Variants in CNTNAP5 observed in about 807,000 individuals in gnomAD.
CNTNAP5 encodes contactin associated protein family member 5.
Under a neutral mutation model 150.2 loss-of-function variants are expected in CNTNAP5, and 72 were observed. The ratio of observed to expected loss-of-function variants is 0.48; its 90% CI spans 0.40 to 0.58. The LOEUF (loss-of-function observed/expected upper bound fraction) is 0.58. Among genes scored for constraint, CNTNAP5 ranks in the 20% least tolerant of loss-of-function variants. The probability of loss-of-function intolerance (pLI) is 0.00; values close to 1 mark genes in which losing one functional copy is unlikely to be tolerated. For synonymous variants in CNTNAP5, 672 were observed against 619.8 expected, an observed-to-expected ratio of 1.08 and a Z score of -1.25; for missense variants, 1,636 against 1,626.2, an observed-to-expected ratio of 1.01 and a Z score of -0.10.
intron 23 of CNTNAP5, among the ~76,000 whole-genome samples, chr2:124,912,119 C>G (rs74656036): frequency 0.012 from 1,820 of 152,136 alleles, 40 homozygotes; most frequent in African/African-American, 0.04. Context: ...CTTTTTTATT[C>G]TGCTTCAGCT....
chr2:124,863,841 G>A (rs1185414320), intron 19 of CNTNAP5, among the ~76,000 whole-genome samples: 3 of 152,064 alleles, frequency 2.0e-5, no homozygotes, highest in Non-Finnish European at 4.4e-5. Context: ...AAACTTTGAG[G>A]GGATGAGAAA....
intron 1 of CNTNAP5, among the ~76,000 whole-genome samples, chr2:124,159,569 C>T (rs1470459593): frequency 6.6e-6 from 1 of 152,138 alleles, no homozygotes; most frequent in African/African-American, 2.4e-5. Context: ...AACTGTGTGA[C>T]CATGTTAAGT....
chr2:124,413,409 C>G (rs1691829978), intron 3 of CNTNAP5, among the ~76,000 whole-genome samples: 1 of 143,468 alleles, frequency 7.0e-6, no homozygotes, highest in African/African-American at 2.6e-5. Context: ...ATAAATCATG[C>G]TGCTATAAAG....
intron 1 of CNTNAP5, among the ~76,000 whole-genome samples, chr2:124,139,208 A>T (rs976753466): frequency 4.6e-5 from 7 of 151,918 alleles, no homozygotes; most frequent in African/African-American, 1.7e-4. Flanking sequence ...TATTCCTAAC[A>T]AAATAAATGG....
At chr2:124,114,503 C>A (rs1044253757) in intron 1 of CNTNAP5, among the ~76,000 whole-genome samples, 10 of 151,756 alleles carry the variant, frequency 6.6e-5, no homozygotes, top group Admixed American at 1.3e-4. Context: ...CTCATGAATC[C>A]TAATAATTTA....
chr2:124,055,535 T>G (rs1051357507), intron 1 of CNTNAP5, among the ~76,000 whole-genome samples: 4 of 152,180 alleles, frequency 2.6e-5, no homozygotes, highest in Non-Finnish European at 5.9e-5. Flanking sequence ...CAGAATGTTC[T>G]CGTCCAGTGA....
chr2:124,828,966 C>T (rs1265389678), intron 19 of CNTNAP5, among the ~76,000 whole-genome samples: 1 of 151,916 alleles, frequency 6.6e-6, no homozygotes, highest in Non-Finnish European at 1.5e-5. Flanking sequence ...TCACAAGTGA[C>T]ATCAAACCAG....
intron 1 of CNTNAP5, among the ~76,000 whole-genome samples, chr2:124,072,803 A>G (rs751472026): frequency 2.0e-5 from 3 of 152,092 alleles, no homozygotes; most frequent in Non-Finnish European, 4.4e-5. Flanking sequence ...CTACAGATTC[A>G]ATGCAATCCT....
intron 7 of CNTNAP5, among the ~76,000 whole-genome samples, chr2:124,488,197 T>A (rs1428453716): frequency 6.6e-6 from 1 of 152,224 alleles, no homozygotes; most frequent in Non-Finnish European, 1.5e-5. Flanking sequence ...GGTATAGATT[T>A]TTTAGTCTTC....
At chr2:124,368,057 A>G (rs947362821) in intron 3 of CNTNAP5, among the ~76,000 whole-genome samples, 1 of 152,124 alleles carries the variant, frequency 6.6e-6, no homozygotes, top group Non-Finnish European at 1.5e-5. Context: ...TTTTTTTCCC[A>G]TATAAGTAAG....
chr2:124,224,128 C>A (rs548377124), intron 2 of CNTNAP5, among the ~76,000 whole-genome samples: 2 of 152,114 alleles, frequency 1.3e-5, no homozygotes, highest in East Asian at 3.9e-4. Flanking sequence ...GGGACCCAAG[C>A]AAGGATATTG....
chr2:124,627,201 C>G (rs888268743), intron 12 of CNTNAP5, among the ~76,000 whole-genome samples: 10 of 152,134 alleles, frequency 6.6e-5, no homozygotes, highest in Non-Finnish European at 1.3e-4. Context: ...GAGGATTCCC[C>G]CCAGCACAGC....
chr2:124,370,920 GT>G (rs1450944811), intron 3 of CNTNAP5, among the ~76,000 whole-genome samples: 1 of 152,084 alleles, frequency 6.6e-6, no homozygotes, highest in Non-Finnish European at 1.5e-5. Context: ...CCTGAGTTTT[GT>G]TTTGTTTTAG....
chr2:124,264,553 A>G (rs1573876802), intron 3 of CNTNAP5, among the ~76,000 whole-genome samples: 3 of 152,274 alleles, frequency 2.0e-5, no homozygotes, highest in Non-Finnish European at 4.4e-5. Flanking sequence ...GTTCCTGGGA[A>G]AACTCCAGAA....
chr2:124,765,391 A>G (rs549928498), intron 16 of CNTNAP5, among the ~76,000 whole-genome samples: 1 of 152,270 alleles, frequency 6.6e-6, no homozygotes, highest in South Asian at 2.1e-4. Flanking sequence ...TGTATTCAAC[A>G]TTAGATTTGA....
chr2:124,052,624 C>T (rs1681729174), intron 1 of CNTNAP5, among the ~76,000 whole-genome samples: 1 of 152,170 alleles, frequency 6.6e-6, no homozygotes, highest in African/African-American at 2.4e-5. Flanking sequence ...GATAATTGGA[C>T]TTGTGTTCTG....
At position 124,670,168 on chromosome 2, in the gene CNTNAP5, CCTTCCTT is replaced by C. The variant is rs1489565435; in HGVS notation, c.2077+22212_2077+22218del. On this transcript the variant is annotated intron_variant, in intron 13 of 23. Transcript: ENST00000682447. ...TCCTTCCTTCCTTCCTTCCTTCCTT[CCTTCCTT>C]CCTCCCTCTCTTTCTCTTTCTCTCT... is the stretch of plus-strand genomic sequence containing the variant. Among the ~76,000 whole-genome samples, 148 of 135,958 alleles carry C rather than the reference CCTTCCTT, an allele frequency of 1.1e-3. 1 individual carries two copies. The highest frequency in any genetic ancestry group is 4.0e-3 in the African/African-American group (138 of 34,550). 89.2% of individuals were successfully genotyped at this position (135,958 alleles called of 152,430 possible). A position where few individuals can be genotyped will look rare whatever the true frequency, so the allele number is the denominator to read the frequency against.
intron 16 of CNTNAP5, among the ~76,000 whole-genome samples, chr2:124,766,010 A>G (rs141467446): frequency 6.6e-6 from 1 of 152,304 alleles, no homozygotes; most frequent in African/African-American, 2.4e-5. Flanking sequence ...TTCAGCATCT[A>G]TTGAAACAGA....
intron 11 of CNTNAP5, among the ~76,000 whole-genome samples, chr2:124,603,002 T>TCTCC (rs55819925): frequency 1.0e-4 from 14 of 137,636 alleles, no homozygotes; most frequent in East Asian, 8.3e-4. Flanking sequence ...ATCTTCCCTC[T>TCTCC]CTCCCTCCCT....
Sources: allele counts gnomAD v4.1 joint callset (sites outside exome capture counted in the v4.1 genomes callset), GRCh38; gene constraint gnomAD v4.1.1; transcripts MANE v1.5; gene names NCBI Gene and HGNC (gene_info 2026-07-23, HGNC 2026-07-21).